The following DAZAP1 variants were observed in gnomAD, a reference collection of about 807,000 sequenced individuals.
DAZAP1 encodes the protein DAZ-associated protein 1.
Under a neutral mutation model 60.1 loss-of-function variants are expected in DAZAP1, and 6 were observed. The observed-to-expected ratio is 0.10, with a 90% CI of 0.05 to 0.20. The LOEUF is 0.20. Ranked by LOEUF, DAZAP1 falls within the 10% of genes least tolerant of loss-of-function variation. DAZAP1 has a pLI of 1.00. For synonymous variants in DAZAP1, 235 were observed against 215.9 expected (o/e 1.09, Z -0.78); for missense variants, 366 against 560.4 (o/e 0.65, Z 3.50).
At chr19:1,412,982 G>A (rs2082871955) in intron 1 of DAZAP1, among the ~76,000 whole-genome samples, 1 of 152,202 alleles carries the variant, frequency 6.6e-6, no homozygotes, top group Non-Finnish European at 1.5e-5. Flanking sequence ...AGGTCTGTAG[G>A]AGCCACGACT....
In DAZAP1 at chr19:1,432,313, G is replaced by T; in HGVS notation, c.872-201G>T. ...GCTCAGCATCCCGCCACGCTCCCAG[G>T]AGTGTGTGTTTCCTGGGGGGAGCGG... On this transcript the variant is annotated intron_variant, in intron 10 of 11. Coordinates refer to ENST00000233078, the MANE Select transcript of DAZAP1 (RefSeq NM_018959.4). This position sits in a 1 kb window ranked among gnomAD's most constrained non-coding sequence, Gnocchi z 4.9. 1 of 626,346 alleles carries T rather than the reference G, an allele frequency of 1.6e-6. No homozygotes were observed. Among genetic ancestry groups the T allele is most frequent in the South Asian group, 1.8e-5 (1 of 54,206 alleles). The allele number at this position is 626,346 out of a possible 1,614,324, so 38.8% of individuals were successfully genotyped here.
In DAZAP1 at chr19:1,417,496, G is replaced by T. The variant is rs1302395212; in HGVS notation, c.30-4G>T. The T allele has an allele frequency of 1.9e-6, 3 of 1,603,692 alleles. No individual in the cohort carries two copies. The Admixed American group carries it at 5.2e-5, about 28-fold the overall frequency. On this transcript the variant is annotated splice_region_variant and splice_polypyrimidine_tract_variant and intron_variant, in intron 1 of 11. Coordinates refer to ENST00000233078, the MANE Select transcript of DAZAP1 (RefSeq NM_018959.4). ...ATCCTGAATGTTTTCTCATTGAATC[G>T]CAGGAAGCTCTTCGTGGGCGGTCTT...
rs2077203555 is a variant in DAZAP1, at chr19:1,433,229, C to T, written c.1048+539C>T. On this transcript the variant is annotated intron_variant, in intron 11 of 11. Coordinates refer to ENST00000233078, the MANE Select transcript of DAZAP1 (RefSeq NM_018959.4). The surrounding 1 kb of genome is among the most constrained non-coding windows in gnomAD (Gnocchi z 6.1). ...AGCGCATGTGCTTCCGGGGCAGGAGCTTGTGGGGGGGCGGGGTCAGCATGG... is the reference window on the plus strand; with the variant it reads ...AGCGCATGTGCTTCCGGGGCAGGAGTTTGTGGGGGGGCGGGGTCAGCATGG... 4 of 172,052 alleles carry T rather than the reference C, an allele frequency of 2.3e-5. No homozygotes were observed. The South Asian group carries it at 4.3e-4, about 19-fold the overall frequency. The allele number at this position is 172,052 out of a possible 1,614,324, so 10.7% of individuals were successfully genotyped here.
rs939479900 is a variant in DAZAP1, at chr19:1,423,730, G to A, written c.463+1334G>A. On this transcript the variant is annotated intron_variant, in intron 6 of 11. Coordinates refer to ENST00000233078, the MANE Select transcript of DAZAP1 (RefSeq NM_018959.4). The surrounding 1 kb of genome is among the most constrained non-coding windows in gnomAD (Gnocchi z 6.8). ...ATCACCGATGCTGTGTTCCAATACT[G>A]CCTCTGATCTTGGGAAACTTGAGCG... 6.6e-6 allele frequency among the ~76,000 whole-genome samples: 1 copy of A among 152,252 alleles called. No individual in the cohort carries two copies. The highest frequency in any genetic ancestry group is 2.4e-5 in the African/African-American group (1 of 41,462).
rs2083475106 is a variant in DAZAP1, at chr19:1,432,410, C to A, written c.872-104C>A. 8.1e-7 allele frequency: 1 copy of A among 1,228,210 alleles called. No individual in the cohort carries two copies. The highest frequency in any genetic ancestry group is 1.7e-5 in the Admixed American group (1 of 57,946). 76.1% of individuals were successfully genotyped at this position (1,228,210 alleles called of 1,614,324 possible). A position where few individuals can be genotyped will look rare whatever the true frequency, so the allele number is the denominator to read the frequency against. On this transcript the variant is annotated intron_variant, in intron 10 of 11. Transcript: ENST00000233078. The surrounding 1 kb of genome is among the most constrained non-coding windows in gnomAD (Gnocchi z 4.9). ...CTGGGCGTTCTGTGGGTTTGGGTGG[C>A]AGTCCCGTCTGGGCAGCTCCTGCTG... is the stretch of plus-strand genomic sequence containing the variant.
intron 1 of DAZAP1, among the ~76,000 whole-genome samples, chr19:1,408,556 G>A (rs934554780): frequency 6.6e-6 from 1 of 152,096 alleles, no homozygotes; most frequent in East Asian, 1.9e-4. Flanking sequence ...AAGTGGTAAG[G>A]TCGGGAGGGG....
At chr19:1,408,253 G>A (rs984635122) in intron 1 of DAZAP1, among the ~76,000 whole-genome samples, 3 of 152,148 alleles carry the variant, frequency 2.0e-5, no homozygotes, top group African/African-American at 7.2e-5. Context: ...GGGAACTTGG[G>A]GGGGTCTGGA....
rs1253745189 is a variant in DAZAP1, at chr19:1,423,342, G to A, written c.463+946G>A. Reference sequence around the variant, plus strand: ...TAGTGACGTACTTAAGTGTTTCATAGTAAAGTACAGTGATGTTAAGTAAGC... The same window carrying A: ...TAGTGACGTACTTAAGTGTTTCATAATAAAGTACAGTGATGTTAAGTAAGC... On this transcript the variant is annotated intron_variant, in intron 6 of 11. Coordinates refer to ENST00000233078, the MANE Select transcript of DAZAP1 (RefSeq NM_018959.4). The surrounding 1 kb of genome is among the most constrained non-coding windows in gnomAD (Gnocchi z 6.8). 6.6e-6 allele frequency among the ~76,000 whole-genome samples: 1 copy of A among 152,260 alleles called. No homozygotes were observed. The highest frequency in any genetic ancestry group is 2.4e-5 in the African/African-American group (1 of 41,464).
chr19:1,421,626 G>A (rs562224298), intron 5 of DAZAP1, among the ~76,000 whole-genome samples: 109 of 152,396 alleles, frequency 7.2e-4, no homozygotes, highest in Non-Finnish European at 1.3e-3. Context: ...CCACTGGGCA[G>A]GTGGGAGAAT....
chr19:1,430,280 C>A lies in DAZAP1; in HGVS notation c.789C>A (p.Thr263=). ...RGAPPPPPPF[T]SYIVSTPPGG... ...CCCCCCCGCCACCCCCACCGTTCAC[C>A]TCCTACATCGTGTCCACCCCTCCTG... The change falls in exon 10 of 12, where the codon ACC becomes ACA. Residue 263 remains threonine (T), a synonymous_variant. Transcript: ENST00000233078. The A allele has an allele frequency of 6.8e-7, 1 of 1,464,226 alleles. No individual in the cohort carries two copies. Among genetic ancestry groups the A allele is most frequent in the Non-Finnish European group, 9.4e-7 (1 of 1,067,898 alleles). 90.7% of individuals were successfully genotyped at this position (1,464,226 alleles called of 1,614,324 possible).
In DAZAP1 at chr19:1,434,488, C is replaced by T. The variant is rs1235230810; in HGVS notation, c.1049-249C>T. ...ATTGAACAGGGAAGCGGTGAGGTTACGTGGGCCATGGAGGGCTCTGGAAGC... is the reference window on the plus strand; with the variant it reads ...ATTGAACAGGGAAGCGGTGAGGTTATGTGGGCCATGGAGGGCTCTGGAAGC... On this transcript the variant is annotated intron_variant, in intron 11 of 11. Coordinates refer to ENST00000233078, the MANE Select transcript of DAZAP1 (RefSeq NM_018959.4). This position sits in a 1 kb window ranked among gnomAD's most constrained non-coding sequence, Gnocchi z 8.0. The T allele has an allele frequency of 1.5e-5, 7 of 472,104 alleles. No homozygotes were observed. Among genetic ancestry groups the T allele is most frequent in the East Asian group, 4.1e-5 (1 of 24,502 alleles). 29.2% of individuals were successfully genotyped at this position (472,104 alleles called of 1,614,324 possible).
In DAZAP1 at chr19:1,432,346, C is replaced by T. The variant is rs1417179739; in HGVS notation, c.872-168C>T. The T allele has an allele frequency of 8.4e-6, 6 of 717,368 alleles. No homozygotes were observed. The highest frequency in any genetic ancestry group is 1.8e-5 in the African/African-American group (1 of 57,056). The allele number at this position is 717,368 out of a possible 1,614,324, so 44.4% of individuals were successfully genotyped here. A position where few individuals can be genotyped will look rare whatever the true frequency, so the allele number is the denominator to read the frequency against. ...GTTTCCTGGGGGGAGCGGCCCGGGA[C>T]CGTGGCTCTGTGGTCCATTCTGTGG... On this transcript the variant is annotated intron_variant, in intron 10 of 11. Coordinates refer to ENST00000233078, the MANE Select transcript of DAZAP1 (RefSeq NM_018959.4). This position sits in a 1 kb window ranked among gnomAD's most constrained non-coding sequence, Gnocchi z 4.9.
chr19:1,427,356 G>A (rs576039599), intron 7 of DAZAP1: 1 of 152,412 alleles, frequency 6.6e-6, no homozygotes, highest in African/African-American at 2.4e-5. Flanking sequence ...GCGAGCTCCT[G>A]AGCTGGGCGA....
At chr19:1,410,507 C>T (rs564148989) in intron 1 of DAZAP1, among the ~76,000 whole-genome samples, 3 of 152,302 alleles carry the variant, frequency 2.0e-5, no homozygotes, top group African/African-American at 7.2e-5. Context: ...TCAGGAAGGC[C>T]CGAGTCTCCA....
Position 1,418,121 on chromosome 19 carries a change from G to A in DAZAP1, c.71-83G>A. 2 of 1,432,946 alleles carry A rather than the reference G, an allele frequency of 1.4e-6. No individual in the cohort carries two copies. Among genetic ancestry groups the A allele is most frequent in the East Asian group, 2.3e-5 (1 of 43,736 alleles). The allele number at this position is 1,432,946 out of a possible 1,614,324, so 88.8% of individuals were successfully genotyped here. On this transcript the variant is annotated intron_variant, in intron 2 of 11. Transcript: ENST00000233078. This position sits in a 1 kb window ranked among gnomAD's most constrained non-coding sequence, Gnocchi z 5.7. The stretch of plus-strand genomic sequence containing the variant: ...GGTGCGTGGCTGGTGGACTGGAGGA[G>A]TGTGCGTGCCGGCAGCACTGCCAGG...
At chr19:1,424,969 G>T (rs751770160) in intron 6 of DAZAP1, among the ~76,000 whole-genome samples, 7 of 152,190 alleles carry the variant, frequency 4.6e-5, no homozygotes, top group Non-Finnish European at 8.8e-5. Flanking sequence ...GTTAGCCGGG[G>T]GCCGCGCCCA....
At chr19:1,419,485 A>G (rs1349285460) in intron 4 of DAZAP1, among the ~76,000 whole-genome samples, 1 of 152,148 alleles carries the variant, frequency 6.6e-6, no homozygotes, top group Non-Finnish European at 1.5e-5. Flanking sequence ...GTCTCCTAAA[A>G]TGACGGCCAC....
chr19:1,430,707 G>T (rs1232554709), intron 10 of DAZAP1, among the ~76,000 whole-genome samples: 1 of 151,598 alleles, frequency 6.6e-6, no homozygotes, highest in Non-Finnish European at 1.5e-5. Context: ...GTTTAAGGGT[G>T]TACAAGCTCT....
chr19:1,410,508 C>T (rs532604495), intron 1 of DAZAP1, among the ~76,000 whole-genome samples: 10 of 152,314 alleles, frequency 6.6e-5, no homozygotes, highest in Admixed American at 3.3e-4. Flanking sequence ...CAGGAAGGCC[C>T]GAGTCTCCAG....
Sources: gnomAD v4.1 joint callset for allele counts (sites outside exome capture counted in the v4.1 genomes callset) on GRCh38, gnomAD v4.1.1 for gene constraint, Gnocchi (gnomAD v3.1) non-coding constraint, MANE v1.5 for transcripts, NCBI Gene and HGNC (gene_info 2026-07-23, HGNC 2026-07-21) for gene names.